MMP28: variants seen among roughly 807,000 people sequenced by gnomAD.
MMP28 encodes matrix metalloproteinase-28.
A neutral mutation model predicts 60.5 loss-of-function variants in MMP28; 55 were observed. The ratio of observed to expected loss-of-function variants is 0.91; its 90% CI spans 0.73 to 1.14. The LOEUF is 1.14. Among genes scored for constraint, MMP28 ranks in the 50% most tolerant of loss-of-function variants. The pLI, the probability that MMP28 is intolerant of heterozygous loss-of-function variation, is 0.00. For missense variants in MMP28, 686 were observed against 738.3 expected (o/e 0.93, Z 0.82); for synonymous variants, 318 against 312.5 (o/e 1.02, Z -0.18).
intron 3 of MMP28, among the ~76,000 whole-genome samples, chr17:35,777,301 A>G (rs1470051660): frequency 6.6e-6 from 1 of 152,068 alleles, no homozygotes; most frequent in Admixed American, 6.5e-5. Context: ...CTTCCTCTCC[A>G]TTGCCCAGAA....
At chr17:35,781,507 T>A (rs2086501708) in intron 1 of MMP28, among the ~76,000 whole-genome samples, 1 of 152,192 alleles carries the variant, frequency 6.6e-6, no homozygotes, top group African/African-American at 2.4e-5. Flanking sequence ...TACCTTTGAC[T>A]CTGCCTACCC....
downstream of MMP28, among the ~76,000 whole-genome samples, chr17:35,763,438 CTTTTTTTTT>C (rs782005643): frequency 3.0e-5 from 3 of 101,514 alleles, no homozygotes; most frequent in East Asian, 3.1e-4. Context: ...CCATGCCCAG[CTTTTTTTTT>C]TTTTTTTTTT....
intron 4 of MMP28, among the ~76,000 whole-genome samples, chr17:35,772,776 G>A (rs1424439757): frequency 6.6e-6 from 1 of 152,140 alleles, no homozygotes; most frequent in South Asian, 2.1e-4. Flanking sequence ...CTGTGGCAGC[G>A]GCTCTGGTAG....
Position 35,766,929 on chromosome 17 carries a change from G to A in MMP28, c.1169-35C>T. 4.5e-6 allele frequency: 7 copies of A among 1,544,328 alleles called. No homozygotes were observed. The highest frequency in any genetic ancestry group is 6.1e-6 in the Non-Finnish European group (7 of 1,144,318). ...ATTGGGAGAGCCAGGGTGAGCTGGA[G>A]GCTGTCACCCATTGGCCCTCTACCC... is the stretch of plus-strand genomic sequence containing the variant. On this transcript the variant is annotated intron_variant, in intron 7 of 7. Transcript: ENST00000605424. The surrounding 1 kb of genome is among the most constrained non-coding windows in gnomAD (Gnocchi z 4.3).
rs1291383683 is a variant in MMP28, at chr17:35,789,173, A to C, written c.111+6094T>G. On this transcript the variant is annotated intron_variant, in intron 1 of 7. Transcript: ENST00000605424. Reference sequence around the variant, plus strand: ...GTACACAGGGTACAGGAATACACACAGAGACTTGAGAACACAGGCACATCC... The same window carrying C: ...GTACACAGGGTACAGGAATACACACCGAGACTTGAGAACACAGGCACATCC... 2.6e-5 allele frequency among the ~76,000 whole-genome samples: 4 copies of C among 152,326 alleles called. No individual in the cohort carries two copies. In the South Asian group the frequency reaches 8.3e-4, roughly 32 times the overall value.
At chr17:35,759,229 T>A (rs1555601022) in intron 2 of MMP28, among the ~76,000 whole-genome samples, 1 of 152,218 alleles carries the variant, frequency 6.6e-6, no homozygotes, top group African/African-American at 2.4e-5. Flanking sequence ...TCAGTAAGTT[T>A]AAAGAGAATG....
intron 1 of MMP28, among the ~76,000 whole-genome samples, chr17:35,781,853 T>C (rs1017910054): frequency 6.6e-6 from 1 of 152,094 alleles, no homozygotes; most frequent in African/African-American, 2.4e-5. Flanking sequence ...TTCTTTTCTT[T>C]TCCTTTTTTA....
At chr17:35,762,115 T>G (rs782405493), downstream of MMP28, among the ~76,000 whole-genome samples, 76 of 152,128 alleles carry the variant, frequency 5.0e-4, no homozygotes, top group Admixed American at 2.1e-3. Context: ...CTCAGCCTCC[T>G]GAATAGCTGG....
rs938084250 is a variant in MMP28 at position 35,766,195 on chromosome 17, A to T, written c.*305T>A. Reference sequence around the variant, plus strand: ...GCTGTTACCTCTTGAAAGGAACTGTACCTTTAGCCGAAGAAACAAAGGCCT... The same window carrying T: ...GCTGTTACCTCTTGAAAGGAACTGTTCCTTTAGCCGAAGAAACAAAGGCCT... On this transcript the variant is annotated 3_prime_UTR_variant, in exon 8 of 8. Transcript: ENST00000605424. This position sits in a 1 kb window ranked among gnomAD's most constrained non-coding sequence, Gnocchi z 4.3. The T allele has an allele frequency of 1.7e-6, 2 of 1,163,800 alleles. No individual in the cohort carries two copies. The highest frequency in any genetic ancestry group is 7.4e-5 in the South Asian group (2 of 26,926). The allele number at this position is 1,163,800 out of a possible 1,614,324, so 72.1% of individuals were successfully genotyped here. A position where few individuals can be genotyped will look rare whatever the true frequency, so the allele number is the denominator to read the frequency against.
At chr17:35,771,430 C>CA (rs548706247) in intron 4 of MMP28, among the ~76,000 whole-genome samples, 11,365 of 46,908 alleles carry the variant, frequency 0.24, 1,422 homozygotes, top group African/African-American at 0.31. Flanking sequence ...GACTCTGTCT[C>CA]AAAAAAAAAA....
chr17:35,773,620 G>C (rs2086239110), intron 3 of MMP28, among the ~76,000 whole-genome samples: 1 of 152,202 alleles, frequency 6.6e-6, no homozygotes, highest in Non-Finnish European at 1.5e-5. Flanking sequence ...CCTTACCCTG[G>C]ACAGTCCCCA....
At chr17:35,761,974 GTTTC>G (rs2085829229), downstream of MMP28, among the ~76,000 whole-genome samples, 1 of 152,030 alleles carries the variant, frequency 6.6e-6, no homozygotes, top group South Asian at 2.1e-4. Flanking sequence ...CAAAAGAAAC[GTTTC>G]TTTTTCTTTC....
intron 1 of MMP28, among the ~76,000 whole-genome samples, chr17:35,792,994 A>G (rs747405745): frequency 1.3e-5 from 2 of 152,204 alleles, no homozygotes; most frequent in Non-Finnish European, 2.9e-5. Context: ...AAGCTCATGC[A>G]ATTAACCACA....
chr17:35,778,649 G>A, intron 3 of MMP28: 5 of 954,004 alleles, frequency 5.2e-6, no homozygotes, highest in Non-Finnish European at 7.4e-6. Context: ...TGGGTTTTGT[G>A]TTTGATCTGG....
At chr17:35,782,347 G>A (rs535236643) in intron 1 of MMP28, among the ~76,000 whole-genome samples, 2 of 152,008 alleles carry the variant, frequency 1.3e-5, no homozygotes, top group Non-Finnish European at 2.9e-5. Flanking sequence ...GAGCCACCGC[G>A]CCCAGCCACC....
intron 4 of MMP28, among the ~76,000 whole-genome samples, chr17:35,771,653 A>G (rs1312108474): frequency 7.5e-6 from 1 of 133,070 alleles, no homozygotes; most frequent in African/African-American, 2.7e-5. Flanking sequence ...TTATTATTTT[A>G]TATATACTTT....
chr17:35,767,669 C>A, intron 7 of MMP28, 83 bp downstream of exon 7: 2 of 1,482,458 alleles, frequency 1.3e-6, no homozygotes. Flanking sequence ...GAGAGTCTTC[C>A]CCTCTTTTGT....
At chr17:35,793,849 G>C (rs377184128) in intron 1 of MMP28, among the ~76,000 whole-genome samples, 1 of 152,180 alleles carries the variant, frequency 6.6e-6, no homozygotes, top group Admixed American at 6.5e-5. Context: ...TGTAATCCAA[G>C]CATTTTGGGA....
rs1480280118 is a variant in MMP28, at chr17:35,766,064, G to A, written c.*436C>T. The stretch of plus-strand genomic sequence containing the variant: ...GGGGCCTCTGACTAAATATGACACC[G>A]TTTTTCAAGAACTGAGCCAGGGGGT... On this transcript the variant is annotated 3_prime_UTR_variant, in exon 8 of 8. Coordinates refer to ENST00000605424, the MANE Select transcript of MMP28 (RefSeq NM_024302.5). The surrounding 1 kb of genome is among the most constrained non-coding windows in gnomAD (Gnocchi z 4.3). 1.3e-5 allele frequency: 13 copies of A among 990,332 alleles called. No homozygotes were observed. The highest frequency in any genetic ancestry group is 7.0e-5 in the African/African-American group (4 of 57,292). 61.3% of individuals were successfully genotyped at this position (990,332 alleles called of 1,614,324 possible).
Sources: gnomAD v4.1 joint callset for allele counts (sites outside exome capture counted in the v4.1 genomes callset) on GRCh38, gnomAD v4.1.1 for gene constraint, Gnocchi (gnomAD v3.1) non-coding constraint, MANE v1.5 for transcripts, NCBI Gene and HGNC (gene_info 2026-07-23, HGNC 2026-07-21) for gene names.